Variants in LRP1B observed in about 807,000 individuals in gnomAD.
The protein encoded by LRP1B is LDL receptor related protein 1B.
A neutral mutation model predicts 556.6 loss-of-function variants in LRP1B; 217 were observed. That is an observed-to-expected ratio of 0.39 (90% CI 0.35 to 0.44). The LOEUF (loss-of-function observed/expected upper bound fraction) is 0.44. Ranked by LOEUF, LRP1B falls within the 20% of genes least tolerant of loss-of-function variation. The pLI is 1.00. For missense variants in LRP1B, 5,053 were observed against 5,620.8 expected, an observed-to-expected ratio of 0.90 and a Z score of 3.23; for synonymous variants, 2,047 against 1,865.8, an observed-to-expected ratio of 1.10 and a Z score of -2.50.
chr2:141,775,390 G>A (rs1178083838), intron 2 of LRP1B, among the ~76,000 whole-genome samples: 1 of 152,104 alleles, frequency 6.6e-6, no homozygotes, highest in Admixed American at 6.5e-5. Flanking sequence ...ATATATATGT[G>A]TGGTTCTTTG....
intron 7 of LRP1B, among the ~76,000 whole-genome samples, chr2:141,115,513 A>C (rs1222955858): frequency 2.2e-5 from 3 of 137,072 alleles, no homozygotes; most frequent in African/African-American, 8.2e-5. Context: ...CTGGAGTGCA[A>C]TGTCGTGATC....
intron 7 of LRP1B, among the ~76,000 whole-genome samples, chr2:141,125,895 T>G (rs913256467): frequency 4.8e-5 from 6 of 124,660 alleles, no homozygotes; most frequent in Non-Finnish European, 9.2e-5. Flanking sequence ...TAAAATTAAT[T>G]TCTGTCATCA....
intron 84 of LRP1B, among the ~76,000 whole-genome samples, chr2:140,288,677 C>A (rs1683257865): frequency 6.6e-6 from 1 of 151,668 alleles, no homozygotes; most frequent in African/African-American, 2.4e-5. Context: ...TTACTTAACA[C>A]CAAGTATAGC....
intron 32 of LRP1B, among the ~76,000 whole-genome samples, chr2:140,786,577 G>C (rs1374100140): frequency 2.6e-5 from 4 of 152,292 alleles, no homozygotes; most frequent in Admixed American, 1.3e-4. Flanking sequence ...TGACAGAATA[G>C]AAGTCTCTTT....
intron 56 of LRP1B, among the ~76,000 whole-genome samples, chr2:140,493,135 A>G (rs1436498697): frequency 6.6e-6 from 1 of 152,152 alleles, no homozygotes; most frequent in Admixed American, 6.6e-5. Context: ...GAAGACCAAG[A>G]GTATCACTGC....
chr2:141,466,794 G>C (rs962526742), intron 3 of LRP1B, among the ~76,000 whole-genome samples: 7 of 151,950 alleles, frequency 4.6e-5, no homozygotes, highest in Non-Finnish European at 1.0e-4. Context: ...ACCTTCAATG[G>C]AATGTCTATC....
intron 31 of LRP1B, among the ~76,000 whole-genome samples, chr2:140,835,621 TC>T (rs1386849947): frequency 6.6e-6 from 1 of 152,220 alleles, no homozygotes; most frequent in East Asian, 1.9e-4. Context: ...TACTGCAACC[TC>T]CGCCTCCCAG....
intron 32 of LRP1B, among the ~76,000 whole-genome samples, chr2:140,812,286 T>C (rs147628464): frequency 6.6e-6 from 1 of 152,214 alleles, no homozygotes; most frequent in East Asian, 1.9e-4. Context: ...CTCACAACTT[T>C]GTGATATAGG....
At chr2:141,357,694 A>G (rs1170825849) in intron 3 of LRP1B, among the ~76,000 whole-genome samples, 3 of 152,216 alleles carry the variant, frequency 2.0e-5, no homozygotes, top group Non-Finnish European at 4.4e-5. Context: ...TCCCACAGAC[A>G]ATGAATGAGT....
chr2:141,062,901 T>C (rs1442485966), intron 7 of LRP1B, among the ~76,000 whole-genome samples: 2 of 151,870 alleles, frequency 1.3e-5, no homozygotes, highest in African/African-American at 4.8e-5. Flanking sequence ...TCATTTCTTC[T>C]TGTTTTTTCT....
At chr2:141,140,593 C>T (rs1366750609) in intron 7 of LRP1B, among the ~76,000 whole-genome samples, 2 of 152,064 alleles carry the variant, frequency 1.3e-5, no homozygotes, top group Non-Finnish European at 2.9e-5. Flanking sequence ...TGCATACACA[C>T]AGAGAAAAGG....
chr2:140,956,938 T>C (rs1034415429), intron 18 of LRP1B, among the ~76,000 whole-genome samples: 2 of 151,740 alleles, frequency 1.3e-5, no homozygotes, highest in Non-Finnish European at 3.0e-5. Context: ...TTATATCAGA[T>C]AGAGTTCTAG....
chr2:141,933,326 A>T (rs1292168848), intron 1 of LRP1B, among the ~76,000 whole-genome samples: 3 of 152,126 alleles, frequency 2.0e-5, no homozygotes, highest in Admixed American at 6.6e-5. Flanking sequence ...CAGTTAAGAA[A>T]TACTCTGAGG....
intron 49 of LRP1B, 108 bp downstream of exon 49, chr2:140,525,736 T>C: frequency 1.0e-6 from 1 of 955,240 alleles, no homozygotes; most frequent in Non-Finnish European, 1.5e-6. Flanking sequence ...TAAATTTTAA[T>C]GTCAATAATT....
At chr2:140,956,700 T>C (rs914387832) in intron 18 of LRP1B, among the ~76,000 whole-genome samples, 6 of 151,736 alleles carry the variant, frequency 4.0e-5, no homozygotes, top group African/African-American at 1.4e-4. Context: ...TGCCACTCTT[T>C]CCTTGCTGTC....
intron 1 of LRP1B, among the ~76,000 whole-genome samples, chr2:142,036,688 G>T (rs1703893859): frequency 6.6e-6 from 1 of 151,358 alleles, no homozygotes; most frequent in African/African-American, 2.4e-5. Flanking sequence ...TTTAAAATTG[G>T]CATAGCTGCT....
chr2:141,130,990 CAG>C (rs1701335304), intron 7 of LRP1B, among the ~76,000 whole-genome samples: 1 of 151,926 alleles, frequency 6.6e-6, no homozygotes, highest in African/African-American at 2.4e-5. Flanking sequence ...CACATGGACA[CAG>C]GGAGGGGAAC....
intron 82 of LRP1B, among the ~76,000 whole-genome samples, chr2:140,320,906 A>T (rs965724541): frequency 5.9e-5 from 9 of 151,654 alleles, no homozygotes; most frequent in Non-Finnish European, 5.9e-5. Context: ...CACACACAAA[A>T]TTATCCAGGC....
At chr2:140,372,562 T>G (rs911693206) in intron 69 of LRP1B, among the ~76,000 whole-genome samples, 1 of 152,142 alleles carries the variant, frequency 6.6e-6, no homozygotes, top group African/African-American at 2.4e-5. Context: ...CTAACTTTAC[T>G]CAAATTTTGG....
Sources: gnomAD v4.1 joint callset for allele counts (sites outside exome capture counted in the v4.1 genomes callset) on GRCh38, gnomAD v4.1.1 for gene constraint, MANE v1.5 for transcripts, NCBI Gene and HGNC (gene_info 2026-07-23, HGNC 2026-07-21) for gene names.